Variants in ZRSR2 observed in about 807,000 individuals in gnomAD.
The protein encoded by ZRSR2 is U2 small nuclear ribonucleoprotein auxiliary factor 35 kDa subunit-related protein 2.
A neutral mutation model predicts 39.4 loss-of-function variants in ZRSR2; 3 were observed. The ratio of observed to expected loss-of-function variants is 0.08; its 90% CI spans 0.03 to 0.20. The LOEUF is 0.20. Among genes scored for constraint, ZRSR2 ranks in the 10% least tolerant of loss-of-function variants. The pLI, the probability that ZRSR2 is intolerant of heterozygous loss-of-function variation, is 1.00. For synonymous variants in ZRSR2, 137 were observed against 136.0 expected, an observed-to-expected ratio of 1.01 and a Z score of -0.05; for missense variants, 256 against 391.5, an observed-to-expected ratio of 0.65 and a Z score of 2.92.
At chrX:15,791,653 CTTTTTTT>C (rs144343422) in intron 2 of ZRSR2, among the ~76,000 whole-genome samples, 5 of 60,870 alleles carry the variant, frequency 8.2e-5, no homozygotes, top group Middle Eastern at 9.0e-3. Context: ...CTTTTCTTTT[CTTTTTTT>C]TTTTTTTTTT....
In ZRSR2 at chrX:15,815,558, C is replaced by T. The variant is rs774577263; in HGVS notation, c.558-119C>T. ...TGGACCTCAGGTGATTCACCCGCCT[C>T]GGCCTCCCAAAGTGTTGGGATTACA... is the stretch of plus-strand genomic sequence containing the variant. On this transcript the variant is annotated intron_variant, in intron 7 of 10. Transcript: ENST00000307771. 8.6e-6 allele frequency: 5 copies of T among 578,710 alleles called. No individual in the cohort carries two copies. In the Admixed American group the frequency reaches 9.5e-5, roughly 11 times the overall value. The allele number at this position is 578,710 out of a possible 1,213,427, so 47.7% of individuals were successfully genotyped here.
rs1932960051 is a variant in ZRSR2, at chrX:15,815,730, G to A, written c.611G>A (p.Ser204Asn). 8.3e-7 allele frequency: 1 copy of A among 1,208,956 alleles called. No individual in the cohort carries two copies. Among genetic ancestry groups the A allele is most frequent in the Non-Finnish European group, 1.1e-6 (1 of 894,373 alleles). ...TCCAGTCCTACCCTTCTTATTAAGA[G>A]CATGTTTACGACGTTTGGAATGGAG... is the stretch of plus-strand genomic sequence containing the variant. The part of the protein sequence containing the change: ...PTSSPTLLIK[S>N]MFTTFGMEQC... The change falls in exon 8 of 11, where the codon AGC (serine) becomes AAC (asparagine). Residue 204 changes from serine to asparagine, a missense_variant. Ser to Asn is a conservative substitution (Grantham distance 46). Transcript: ENST00000307771.
intron 10 of ZRSR2, among the ~76,000 whole-genome samples, chrX:15,822,333 G>A (rs1358460433): frequency 9.1e-6 from 1 of 110,087 alleles, no homozygotes; most frequent in Admixed American, 9.7e-5. Context: ...TTTCCTCCAT[G>A]CCATCAAACC....
intron 2 of ZRSR2, among the ~76,000 whole-genome samples, chrX:15,797,137 T>A (rs1240709627): frequency 1.8e-5 from 2 of 109,792 alleles, no homozygotes; most frequent in Admixed American, 9.8e-5. Flanking sequence ...AACACTTAAC[T>A]TATATTGTAA....
Position 15,808,214 on chromosome X carries a change from T to G in ZRSR2, c.400-19T>G. 1 of 1,206,303 alleles carries G rather than the reference T, an allele frequency of 8.3e-7. No individual in the cohort carries two copies. The highest frequency in any genetic ancestry group is 1.1e-6 in the Non-Finnish European group (1 of 891,266). On this transcript the variant is annotated intron_variant, in intron 5 of 10. Coordinates refer to ENST00000307771, the MANE Select transcript of ZRSR2 (RefSeq NM_005089.4). ...CTGACTTCTGGGTTTTTATTAGTCC[T>G]GTGTTTGCACCATTTTAGGAAGCTT...
chrX:15,818,532 A>T, intron 8 of ZRSR2, 55 bp from the exon 9 acceptor site: 1 of 1,057,929 alleles, frequency 9.5e-7, no homozygotes, highest in Non-Finnish European at 1.3e-6. Flanking sequence ...CATTTGATGA[A>T]TGGCTGGTTT....
chrX:15,799,836 C>T, intron 2 of ZRSR2, 36 bp from the exon 3 acceptor site: 1 of 973,709 alleles, frequency 1.0e-6, no homozygotes, highest in Non-Finnish European at 1.4e-6. Flanking sequence ...CAAGGATTTG[C>T]AGCACTCAGT....
intron 2 of ZRSR2, among the ~76,000 whole-genome samples, chrX:15,793,719 G>T (rs559741935): frequency 8.9e-6 from 1 of 112,071 alleles, no homozygotes; most frequent in East Asian, 2.8e-4. Context: ...TTGTACTTTT[G>T]TAGAGATGGG....
chrX:15,806,926 A>C lies in ZRSR2; in HGVS notation c.400-1307A>C, dbSNP rs1048576885. 3.6e-5 allele frequency among the ~76,000 whole-genome samples: 4 copies of C among 111,588 alleles called. No individual in the cohort carries two copies. In the South Asian group the frequency reaches 1.5e-3, roughly 42 times the overall value. On this transcript the variant is annotated intron_variant, in intron 5 of 10. Transcript: ENST00000307771. ...ATTCAAGTCATATTTTTAGGTTTTT[A>C]GTTTGAATAGACAGATAGACTGGCA...
intron 7 of ZRSR2, among the ~76,000 whole-genome samples, chrX:15,813,691 C>T (rs1298375812): frequency 1.8e-5 from 2 of 111,781 alleles, no homozygotes; most frequent in African/African-American, 6.5e-5. Flanking sequence ...TAAATTAGTT[C>T]CTTGTTTAAT....
At chrX:15,796,730 C>T (rs967091755) in intron 2 of ZRSR2, among the ~76,000 whole-genome samples, 3 of 107,486 alleles carry the variant, frequency 2.8e-5, no homozygotes, top group Non-Finnish European at 5.7e-5. Context: ...TGTTTGAGAC[C>T]GAACTTCTCT....
intron 2 of ZRSR2, among the ~76,000 whole-genome samples, chrX:15,797,366 A>G (rs1170819052): frequency 9.4e-6 from 1 of 106,892 alleles, no homozygotes. Flanking sequence ...GGCTGCCACC[A>G]CGCCCGGCTA....
At chrX:15,822,400 C>T (rs1027817083) in intron 10 of ZRSR2, among the ~76,000 whole-genome samples, 5 of 112,018 alleles carry the variant, frequency 4.5e-5, no homozygotes, top group Admixed American at 1.9e-4. Context: ...GGATCAAAAT[C>T]GTCAATCAGT....
chrX:15,793,699 C>T (rs770099001), intron 2 of ZRSR2, among the ~76,000 whole-genome samples: 27 of 111,987 alleles, frequency 2.4e-4, no homozygotes, highest in African/African-American at 7.1e-4. Context: ...CTATCATGCC[C>T]GGCTAATTCT....
intron 7 of ZRSR2, among the ~76,000 whole-genome samples, chrX:15,812,220 C>T (rs368967454): frequency 8.9e-6 from 1 of 112,541 alleles, no homozygotes; most frequent in South Asian, 3.6e-4. Flanking sequence ...TGAGCCACCG[C>T]GCCTGGCTGC....
intron 7 of ZRSR2, among the ~76,000 whole-genome samples, 171 bp from the exon 8 acceptor site, chrX:15,815,506 C>G (rs764325934): frequency 2.7e-5 from 3 of 112,406 alleles, no homozygotes; most frequent in Non-Finnish European, 5.6e-5. Flanking sequence ...GGGGTTTCAC[C>G]ATGTTAGCCA....
chrX:15,797,367 C>T (rs191860486), intron 2 of ZRSR2, among the ~76,000 whole-genome samples: 60 of 108,611 alleles, frequency 5.5e-4, no homozygotes, highest in East Asian at 2.6e-3. Flanking sequence ...GCTGCCACCA[C>T]GCCCGGCTAA....
chrX:15,799,636 A>T (rs990562468), intron 2 of ZRSR2, among the ~76,000 whole-genome samples: 55 of 110,485 alleles, frequency 5.0e-4, no homozygotes, highest in African/African-American at 1.7e-3. Flanking sequence ...CTTTTTAAGT[A>T]TAATTGTGGA....
chrX:15,808,280 A>T lies in ZRSR2; in HGVS notation c.438+9A>T, dbSNP rs746096295. The T allele has an allele frequency of 5.9e-6, 7 of 1,188,248 alleles. No homozygotes were observed. In the African/African-American group the frequency reaches 1.2e-4, roughly 21 times the overall value. Reference sequence around the variant, plus strand: ...ATCAGGCTGAAAATGAGGTATTTTTAAAACCTTACATTGATAATTTGAGAC... The same window carrying T: ...ATCAGGCTGAAAATGAGGTATTTTTTAAACCTTACATTGATAATTTGAGAC... On this transcript the variant is annotated intron_variant, in intron 6 of 10. Transcript: ENST00000307771.
Sources: allele counts gnomAD v4.1 joint callset (sites outside exome capture counted in the v4.1 genomes callset), GRCh38; gene constraint gnomAD v4.1.1; transcripts MANE v1.5; gene names NCBI Gene and HGNC (gene_info 2026-07-23, HGNC 2026-07-21).